RPRD1A: variants seen among roughly 807,000 people sequenced by gnomAD.
The protein encoded by RPRD1A is regulation of nuclear pre-mRNA domain containing 1A.
Under a neutral mutation model 37.8 loss-of-function variants are expected in RPRD1A, and 9 were observed. That is an observed-to-expected ratio of 0.24 (90% CI 0.14 to 0.42). The LOEUF (loss-of-function observed/expected upper bound fraction) is 0.42. RPRD1A is among the 10% of genes least tolerant of loss of function. RPRD1A has a pLI of 1.00. For synonymous variants in RPRD1A, 138 were observed against 139.7 expected, an observed-to-expected ratio of 0.99 and a Z score of 0.08; for missense variants, 255 against 371.0, an observed-to-expected ratio of 0.69 and a Z score of 2.57.
intron 6 of RPRD1A, among the ~76,000 whole-genome samples, chr18:36,017,474 T>C (rs1910668001): frequency 6.6e-6 from 1 of 152,190 alleles, no homozygotes; most frequent in South Asian, 2.1e-4. Flanking sequence ...ACCACTCCTT[T>C]CTTCCCTTTG....
At chr18:36,048,709 G>C (rs1008294987) in intron 1 of RPRD1A, among the ~76,000 whole-genome samples, 5 of 151,438 alleles carry the variant, frequency 3.3e-5, no homozygotes, top group African/African-American at 7.3e-5. Flanking sequence ...ATCGAATGTT[G>C]ATCAGGAACA....
At position 36,027,085 on chromosome 18, in the gene RPRD1A, G is replaced by T. The variant is rs1370246768; in HGVS notation, c.614-10C>A. On this transcript the variant is annotated splice_polypyrimidine_tract_variant and intron_variant, in intron 5 of 6. Transcript: ENST00000399022. ...TCTCCAGATTCTTTATCTAAGAAAA[G>T]CACGGGATAATAAAATATTATACAA... The T allele has an allele frequency of 6.2e-7, 1 of 1,613,322 alleles. No individual in the cohort carries two copies. The highest frequency in any genetic ancestry group is 8.5e-7 in the Non-Finnish European group (1 of 1,179,482).
intron 6 of RPRD1A, among the ~76,000 whole-genome samples, chr18:36,002,423 TA>T (rs1909480811): frequency 1.3e-5 from 2 of 152,260 alleles, no homozygotes; most frequent in African/African-American, 4.8e-5. Context: ...ACATTCTTAT[TA>T]TTTTTTTTAC....
rs149119087 is a variant in RPRD1A at position 36,005,620 on chromosome 18, A to T, written c.790-12320T>A. Among the ~76,000 whole-genome samples, 13 of 152,386 alleles carry T rather than the reference A, an allele frequency of 8.5e-5. No homozygotes were observed. The East Asian group carries it at 2.3e-3, about 27-fold the overall frequency. ...AATACGGAAAAAGTTAAAGGCACTG[A>T]ATTTTAGAGCTAGGTCTTATAAATC... On this transcript the variant is annotated intron_variant, in intron 6 of 6. Coordinates refer to ENST00000399022, the MANE Select transcript of RPRD1A (RefSeq NM_018170.5).
chr18:36,040,952 T>G, intron 1 of RPRD1A: 1 of 722,298 alleles, frequency 1.4e-6, no homozygotes, highest in Non-Finnish European at 2.1e-6. Context: ...CAGAATGAAC[T>G]ACAAACACTG....
chr18:36,000,357 C>A (rs1909339913), intron 6 of RPRD1A, among the ~76,000 whole-genome samples: 1 of 152,152 alleles, frequency 6.6e-6, no homozygotes, highest in Non-Finnish European at 1.5e-5. Flanking sequence ...GAAGTTTTAC[C>A]TTTTGGTGGG....
At chr18:36,006,578 A>T (rs909262946) in intron 6 of RPRD1A, among the ~76,000 whole-genome samples, 4 of 152,132 alleles carry the variant, frequency 2.6e-5, no homozygotes, top group Non-Finnish European at 5.9e-5. Flanking sequence ...GTACTGGAAA[A>T]TTTAATTTGA....
intron 4 of RPRD1A, among the ~76,000 whole-genome samples, chr18:36,030,494 A>T (rs1365778581): frequency 6.6e-6 from 1 of 152,116 alleles, no homozygotes; most frequent in East Asian, 1.9e-4. Context: ...AAAAAAAAAA[A>T]TCACATAACA....
At chr18:36,010,222 C>T (rs1167970137) in intron 6 of RPRD1A, among the ~76,000 whole-genome samples, 1 of 151,944 alleles carries the variant, frequency 6.6e-6, no homozygotes, top group Non-Finnish European at 1.5e-5. Context: ...AATGCCAGCA[C>T]CTTTGTGAGG....
At position 36,067,437 on chromosome 18, in the gene RPRD1A, G is replaced by T; in HGVS notation, c.-33C>A. The T allele has an allele frequency of 1.3e-6, 2 of 1,590,244 alleles. No individual in the cohort carries two copies. The highest frequency in any genetic ancestry group is 1.8e-5 in the Admixed American group (1 of 56,924). ...ACACCACGTTCACGCCGTCCCACGC[G>T]GTGGGGCCGAGGGGAGGAGAGTTTC... On this transcript the variant is annotated 5_prime_UTR_variant, in exon 1 of 7. Transcript: ENST00000399022.
At chr18:36,015,752 A>C (rs1461457774) in intron 6 of RPRD1A, among the ~76,000 whole-genome samples, 2 of 152,196 alleles carry the variant, frequency 1.3e-5, no homozygotes, top group African/African-American at 2.4e-5. Context: ...CCCTTATATA[A>C]GGTATCCGGA....
intron 6 of RPRD1A, among the ~76,000 whole-genome samples, chr18:36,001,408 A>G (rs1355083519): frequency 6.6e-6 from 1 of 152,242 alleles, no homozygotes; most frequent in Non-Finnish European, 1.5e-5. Context: ...CAAATGAGGA[A>G]GTTAATACTG....
At chr18:36,061,149 G>A (rs1891849299) in intron 1 of RPRD1A, among the ~76,000 whole-genome samples, 1 of 152,082 alleles carries the variant, frequency 6.6e-6, no homozygotes, top group Non-Finnish European at 1.5e-5. Context: ...ACGTCACCTT[G>A]CAGAGATGAT....
At chr18:35,993,339 GAAAA>G (rs748028803) in intron 6 of RPRD1A, 39 bp from the exon 7 acceptor site, 1 of 1,607,254 alleles carries the variant, frequency 6.2e-7, no homozygotes, top group South Asian at 1.1e-5. Flanking sequence ...TTCAGGGATT[GAAAA>G]AACTTCCTAG....
chr18:36,006,124 ATAAG>A (rs1909735680), intron 6 of RPRD1A, among the ~76,000 whole-genome samples: 2 of 152,222 alleles, frequency 1.3e-5, no homozygotes, highest in South Asian at 2.1e-4. Flanking sequence ...CTAATGCTAA[ATAAG>A]TATTATGTTA....
At chr18:36,021,536 G>A (rs76252509) in intron 6 of RPRD1A, among the ~76,000 whole-genome samples, 88 of 152,286 alleles carry the variant, frequency 5.8e-4, no homozygotes, top group African/African-American at 1.9e-3. Context: ...GCCTCTAAAT[G>A]TTCAAGTGAA....
chr18:36,042,836 G>A (rs1030685311), intron 1 of RPRD1A, among the ~76,000 whole-genome samples: 22 of 152,108 alleles, frequency 1.4e-4, no homozygotes, highest in African/African-American at 5.3e-4. Context: ...AGACACTGGT[G>A]GTTAAATCAT....
chr18:36,022,469 C>T (rs1911058870), intron 6 of RPRD1A, among the ~76,000 whole-genome samples: 2 of 152,196 alleles, frequency 1.3e-5, no homozygotes, highest in Non-Finnish European at 2.9e-5. Flanking sequence ...AACAAGCTGG[C>T]CCTCATTAGG....
chr18:36,006,078 TAGA>T (rs1478229075), intron 6 of RPRD1A, among the ~76,000 whole-genome samples: 3 of 152,296 alleles, frequency 2.0e-5, no homozygotes, highest in South Asian at 4.1e-4. Flanking sequence ...TTAATGAAAA[TAGA>T]AGAAGTACTT....
Sources: allele counts gnomAD v4.1 joint callset (sites outside exome capture counted in the v4.1 genomes callset), GRCh38; gene constraint gnomAD v4.1.1; transcripts MANE v1.5; gene names NCBI Gene and HGNC (gene_info 2026-07-23, HGNC 2026-07-21).